DGKH: variants seen among roughly 807,000 people sequenced by gnomAD.
The protein encoded by DGKH is DAG kinase eta.
In DGKH, 90 loss-of-function variants were observed where a neutral mutation model predicts 159.3. The ratio of observed to expected loss-of-function variants is 0.57; its 90% confidence interval spans 0.48 to 0.67. The LOEUF (loss-of-function observed/expected upper bound fraction) is 0.67. Ranked by LOEUF, DGKH falls within the 30% of genes least tolerant of loss-of-function variation. DGKH has a pLI of 0.00. For missense variants in DGKH, 1,181 were observed against 1,506.1 expected (o/e 0.78, Z 3.57); for synonymous variants, 536 against 553.8 (o/e 0.97, Z 0.45).
chr13:42,245,734 C>T (rs541061341), downstream of DGKH, among the ~76,000 whole-genome samples: 65 of 152,064 alleles, frequency 4.3e-4, no homozygotes, highest in Admixed American at 1.0e-3. Flanking sequence ...TACAGGCACG[C>T]GCCAACACAC....
intron 1 of DGKH, among the ~76,000 whole-genome samples, chr13:42,121,066 T>TACACACAC (rs377628213): frequency 0.013 from 1,882 of 144,806 alleles, 32 homozygotes; most frequent in East Asian, 0.079. Context: ...ATATATATTA[T>TACACACAC]ACACACACAC....
chr13:42,100,551 G>A (rs754075829), intron 1 of DGKH, among the ~76,000 whole-genome samples: 10 of 152,124 alleles, frequency 6.6e-5, no homozygotes, highest in Non-Finnish European at 1.3e-4. Context: ...GCATTAACTG[G>A]TGCCGCCATG....
intron 1 of DGKH, among the ~76,000 whole-genome samples, chr13:42,076,169 A>G (rs1281233403): frequency 6.6e-6 from 1 of 152,234 alleles, no homozygotes; most frequent in Non-Finnish European, 1.5e-5. Flanking sequence ...TGTAGGCACC[A>G]AGACACCAAC....
chr13:42,254,651 G>A (rs1448152711), intron 30 of DGKH, among the ~76,000 whole-genome samples: 1 of 151,264 alleles, frequency 6.6e-6, no homozygotes, highest in African/African-American at 2.4e-5. Context: ...AAAAAAGAAT[G>A]TTATATAGTT....
intron 20 of DGKH, among the ~76,000 whole-genome samples, chr13:42,203,138 ATTTG>A (rs1309149782): frequency 6.6e-6 from 1 of 152,190 alleles, no homozygotes; most frequent in Non-Finnish European, 1.5e-5. Context: ...TAATTTCTGT[ATTTG>A]TTTAATTCAT....
intron 29 of DGKH, among the ~76,000 whole-genome samples, chr13:42,228,235 C>A (rs1332929513): frequency 6.7e-6 from 1 of 149,744 alleles, no homozygotes. Context: ...ATATTGAATT[C>A]TTGGCACTTA....
chr13:42,243,669 G>T (rs988108554), downstream of DGKH, among the ~76,000 whole-genome samples: 1 of 152,118 alleles, frequency 6.6e-6, no homozygotes, highest in Non-Finnish European at 1.5e-5. Flanking sequence ...ACATTAAGTC[G>T]AATCTTACAT....
At chr13:42,219,180 C>A in intron 26 of DGKH, 50 bp from the exon 27 acceptor site, 2 of 1,607,062 alleles carry the variant, frequency 1.2e-6, no homozygotes, top group Non-Finnish European at 8.5e-7. Context: ...CTACGTGAGG[C>A]TGGCCACTGA....
upstream of DGKH, among the ~76,000 whole-genome samples, chr13:42,048,510 G>A (rs1197759586): frequency 6.6e-6 from 1 of 152,198 alleles, no homozygotes; most frequent in East Asian, 1.9e-4. The surrounding 1 kb of genome is among the most constrained non-coding windows in gnomAD (Gnocchi z 6.7). Flanking sequence ...GTGCGCAGGG[G>A]TCCGAGGCGG....
rs770954723 is a variant in DGKH at position 42,160,014 on chromosome 13, G to A, written c.733G>A (p.Ala245Thr). ...KDIIEDEDGVAMPHQWLEGNL... is the reference protein window; with the variant it reads ...KDIIEDEDGVTMPHQWLEGNL... ...GCCCTTTCTTCCTTCTCCACAGGTC[G>A]CGATGCCTCACCAGTGGCTTGAGGG... The change falls in exon 7 of 30, where the codon GCG (alanine) becomes ACG (threonine). Residue 245 changes from alanine to threonine, a missense_variant. Coordinates refer to ENST00000337343, the MANE Select transcript of DGKH (RefSeq NM_178009.5). 6.2e-6 allele frequency: 10 copies of A among 1,614,058 alleles called. No individual in the cohort carries two copies. Among genetic ancestry groups the A allele is most frequent in the East Asian group, 2.2e-5 (1 of 44,892 alleles).
intron 1 of DGKH, among the ~76,000 whole-genome samples, chr13:42,090,840 T>A (rs1954403963): frequency 6.6e-6 from 1 of 152,124 alleles, no homozygotes; most frequent in East Asian, 1.9e-4. Context: ...AGAGCCCCCA[T>A]GGATGGCATT....
chr13:42,134,908 C>T lies in DGKH; in HGVS notation c.384+5276C>T, dbSNP rs573087616. On this transcript the variant is annotated intron_variant, in intron 3 of 29. Coordinates refer to ENST00000337343, the MANE Select transcript of DGKH (RefSeq NM_178009.5). ...AGGAGAATTGCTTGAACCCGGGAAGCGGAGGTTGCAGTGAGCCGAGATCGT... is the reference window on the plus strand; with the variant it reads ...AGGAGAATTGCTTGAACCCGGGAAGTGGAGGTTGCAGTGAGCCGAGATCGT... Among the ~76,000 whole-genome samples, 27 of 152,052 alleles carry T rather than the reference C, an allele frequency of 1.8e-4. No individual in the cohort carries two copies. In the South Asian group the frequency reaches 2.7e-3, roughly 15 times the overall value.
chr13:42,210,285 C>T (rs1412580082), intron 23 of DGKH, among the ~76,000 whole-genome samples: 1 of 151,860 alleles, frequency 6.6e-6, no homozygotes. Flanking sequence ...ATCCTCCTAC[C>T]TCAGCCCAGC....
chr13:42,203,798 A>G (rs906077981), intron 20 of DGKH, among the ~76,000 whole-genome samples: 7 of 152,184 alleles, frequency 4.6e-5, no homozygotes, highest in Admixed American at 1.3e-4. Context: ...GCACCACTAC[A>G]TTCTATCCTG....
chr13:42,053,576 G>GTA (rs955434716), intron 1 of DGKH, among the ~76,000 whole-genome samples: 14 of 73,762 alleles, frequency 1.9e-4, no homozygotes, highest in Non-Finnish European at 3.5e-4. Context: ...AACTATATAT[G>GTA]TATATATATA....
chr13:42,128,373 A>G (rs1263397359), intron 2 of DGKH, among the ~76,000 whole-genome samples: 1 of 152,202 alleles, frequency 6.6e-6, no homozygotes, highest in Non-Finnish European at 1.5e-5. Context: ...AAACAAGCAA[A>G]CAAACCTAAT....
chr13:42,102,294 A>G (rs989983948), intron 1 of DGKH, among the ~76,000 whole-genome samples: 1 of 152,258 alleles, frequency 6.6e-6, no homozygotes, highest in Non-Finnish European at 1.5e-5. Flanking sequence ...CTGCAGAGCA[A>G]AGAGGCAGCT....
chr13:42,183,502 A>G (rs1472771075), intron 13 of DGKH, among the ~76,000 whole-genome samples: 4 of 152,168 alleles, frequency 2.6e-5, no homozygotes, highest in African/African-American at 9.6e-5. Flanking sequence ...AATGTTATTT[A>G]TTTATTCAGT....
intron 1 of DGKH, chr13:42,070,583 C>T (rs1882896933): frequency 9.5e-6 from 15 of 1,582,496 alleles, no homozygotes; most frequent in South Asian, 4.5e-5. Context: ...AGACCAAAGT[C>T]GCCTATCTTC....
Sources: gnomAD v4.1 joint callset for allele counts (sites outside exome capture counted in the v4.1 genomes callset) on GRCh38, gnomAD v4.1.1 for gene constraint, Gnocchi (gnomAD v3.1) non-coding constraint, MANE v1.5 for transcripts, NCBI Gene and HGNC (gene_info 2026-07-23, HGNC 2026-07-21) for gene names.